Variants in PPFIBP2 observed in about 807,000 individuals in gnomAD.
The protein encoded by PPFIBP2 is liprin-beta-2.
A neutral mutation model predicts 118.3 loss-of-function variants in PPFIBP2; 118 were observed. That is an observed-to-expected ratio of 1.00 (90% CI 0.86 to 1.16). PPFIBP2 has a LOEUF of 1.16. Ranked by LOEUF, PPFIBP2 falls within the 50% of genes most tolerant of loss-of-function variation. The pLI, the probability that PPFIBP2 is intolerant of heterozygous loss-of-function variation, is 0.00. For missense variants in PPFIBP2, 1,195 were observed against 1,073.1 expected, an observed-to-expected ratio of 1.11 and a Z score of -1.59; for synonymous variants, 414 against 397.4, an observed-to-expected ratio of 1.04 and a Z score of -0.50.
intron 16 of PPFIBP2, 74 bp downstream of exon 16, chr11:7,641,694 G>A: frequency 6.9e-7 from 1 of 1,449,030 alleles, no homozygotes. Flanking sequence ...GTCTATGTAA[G>A]CCCCTGGTCC....
In PPFIBP2 at chr11:7,651,661, G is replaced by A; in HGVS notation, c.2253G>A (p.Leu751=). 1 of 1,603,526 alleles carries A rather than the reference G, an allele frequency of 6.2e-7. No individual in the cohort carries two copies. Among genetic ancestry groups the A allele is most frequent in the East Asian group, 2.2e-5 (1 of 44,612 alleles). The change falls in exon 23 of 24, where the codon CTG becomes CTA. Residue 751 remains leucine (L), a synonymous_variant. Transcript: ENST00000299492. ...TGTCTCTGGTTCCTTCTTAGATCCT[G>A]GAGCCACGCTTCACTGGGGACACCC... The part of the protein sequence containing the change: ...GSGVHGGLII[L]EPRFTGDTLA...
intron 5 of PPFIBP2, among the ~76,000 whole-genome samples, chr11:7,601,458 T>TAGCTACAAGCATCTCTCAGGAC (rs953212019): frequency 2.6e-5 from 4 of 152,124 alleles, no homozygotes; most frequent in African/African-American, 9.7e-5. Context: ...GGGAACATGA[T>TAGCTACAAGCATCTCTCAGGAC]AGCTACAAGC....
intron 11 of PPFIBP2, chr11:7,631,243 GA>G (rs1226614572): frequency 5.9e-6 from 3 of 512,420 alleles, no homozygotes; most frequent in African/African-American, 5.7e-5. Flanking sequence ...GTGGATACTG[GA>G]ACTTTCAAGG....
At chr11:7,639,639 T>A (rs1384648384) in intron 14 of PPFIBP2, 93 bp from the exon 15 acceptor site, 1 of 1,541,944 alleles carries the variant, frequency 6.5e-7, no homozygotes, top group Non-Finnish European at 8.9e-7. Flanking sequence ...AAAATGGCTC[T>A]TGCAAAACAG....
intron 2 of PPFIBP2, among the ~76,000 whole-genome samples, chr11:7,562,662 T>C (rs1395865622): frequency 6.6e-6 from 1 of 152,088 alleles, no homozygotes; most frequent in Non-Finnish European, 1.5e-5. Context: ...GTTTATTCAA[T>C]ATCATTTTGT....
intron 1 of PPFIBP2, among the ~76,000 whole-genome samples, chr11:7,531,409 G>A (rs1458918763): frequency 6.6e-6 from 1 of 152,186 alleles, no homozygotes; most frequent in Non-Finnish European, 1.5e-5. Flanking sequence ...CCTCTTTGTA[G>A]CATCCTAAAA....
chr11:7,643,216 A>G (rs1852470742), intron 17 of PPFIBP2, among the ~76,000 whole-genome samples: 2 of 152,220 alleles, frequency 1.3e-5, no homozygotes, highest in African/African-American at 4.8e-5. Context: ...CTCAATGTAG[A>G]CATTACTGTT....
intron 5 of PPFIBP2, chr11:7,606,087 T>C: frequency 6.8e-7 from 1 of 1,472,614 alleles, no homozygotes; most frequent in Non-Finnish European, 9.0e-7. Context: ...TTGGGGAGAA[T>C]GTGGTATAAG....
chr11:7,634,555 C>T lies in PPFIBP2; in HGVS notation c.1194+3C>T, dbSNP rs368218777. 1.4e-5 allele frequency: 23 copies of T among 1,611,234 alleles called. No homozygotes were observed. The highest frequency in any genetic ancestry group is 4.0e-5 in the African/African-American group (3 of 74,776). ...TGAGAAGTGAATCTGTGGATAAGGTCGGCTCATCAACCTATCCTTAAAGAT... is the reference window on the plus strand; with the variant it reads ...TGAGAAGTGAATCTGTGGATAAGGTTGGCTCATCAACCTATCCTTAAAGAT... On this transcript the variant is annotated splice_donor_region_variant and intron_variant, in intron 13 of 23. Coordinates refer to ENST00000299492, the MANE Select transcript of PPFIBP2 (RefSeq NM_003621.5).
chr11:7,516,740 C>T (rs1849260708), intron 1 of PPFIBP2, among the ~76,000 whole-genome samples: 1 of 152,132 alleles, frequency 6.6e-6, no homozygotes, highest in Non-Finnish European at 1.5e-5. Flanking sequence ...TCAAGGGGTA[C>T]GTGTCTTCCA....
chr11:7,542,005 T>G (rs1851841718), intron 1 of PPFIBP2, among the ~76,000 whole-genome samples: 1 of 152,214 alleles, frequency 6.6e-6, no homozygotes, highest in South Asian at 2.1e-4. Flanking sequence ...CTTCATCTCT[T>G]GCCGGGTTTC....
Position 7,639,633 on chromosome 11 carries a change from T to C in PPFIBP2, c.1237-99T>C, listed in dbSNP as rs112944755. ...TGTTCAAGTCACCATATGTGAAAAA[T>C]GGCTCTTGCAAAACAGGGAGTTGTT... On this transcript the variant is annotated intron_variant, in intron 14 of 23. Transcript: ENST00000299492. 1.1e-3 allele frequency: 1,696 copies of C among 1,485,592 alleles called. 21 individuals are homozygous for C. The African/African-American group carries it at 0.021, about 18-fold the overall frequency. The allele number at this position is 1,485,592 out of a possible 1,614,324, so 92.0% of individuals were successfully genotyped here.
At chr11:7,612,163 G>C (rs1848144378) in intron 6 of PPFIBP2, among the ~76,000 whole-genome samples, 1 of 152,240 alleles carries the variant, frequency 6.6e-6, no homozygotes, top group African/African-American at 2.4e-5. Flanking sequence ...AGTGTCACTA[G>C]AAATTAGTCT....
At chr11:7,574,782 C>T (rs1409571978) in intron 3 of PPFIBP2, among the ~76,000 whole-genome samples, 2 of 152,112 alleles carry the variant, frequency 1.3e-5, no homozygotes, top group African/African-American at 4.8e-5. Context: ...CTCAGCCCTT[C>T]CCCTTTCCCT....
intron 3 of PPFIBP2, among the ~76,000 whole-genome samples, chr11:7,585,503 T>C (rs1442590793): frequency 6.6e-6 from 1 of 152,190 alleles, no homozygotes; most frequent in African/African-American, 2.4e-5. Context: ...GTCATGCCAG[T>C]TGGGGAGTGC....
chr11:7,660,503 G>C (rs1854867212), downstream of PPFIBP2, among the ~76,000 whole-genome samples: 1 of 148,958 alleles, frequency 6.7e-6, no homozygotes, highest in Non-Finnish European at 1.5e-5. Flanking sequence ...AAGCCCACTT[G>C]ATCATGGTGA....
At chr11:7,622,335 A>C (rs1194321301) in intron 7 of PPFIBP2, among the ~76,000 whole-genome samples, 1 of 152,160 alleles carries the variant, frequency 6.6e-6, no homozygotes, top group Non-Finnish European at 1.5e-5. Flanking sequence ...CCCATGATCC[A>C]TTCACCTCCT....
At chr11:7,578,224 G>A (rs1378096832) in intron 3 of PPFIBP2, among the ~76,000 whole-genome samples, 2 of 152,216 alleles carry the variant, frequency 1.3e-5, no homozygotes, top group East Asian at 1.9e-4. Flanking sequence ...AGGAATGAAC[G>A]GACGTTGGGG....
At chr11:7,660,958 A>G (rs1168680364), downstream of PPFIBP2, among the ~76,000 whole-genome samples, 1 of 151,782 alleles carries the variant, frequency 6.6e-6, no homozygotes, top group Non-Finnish European at 1.5e-5. Context: ...GTATGCTCTG[A>G]TGGTAGTTTG....
Sources: gnomAD v4.1 joint callset for allele counts (sites outside exome capture counted in the v4.1 genomes callset) on GRCh38, gnomAD v4.1.1 for gene constraint, MANE v1.5 for transcripts, NCBI Gene and HGNC (gene_info 2026-07-23, HGNC 2026-07-21) for gene names.